Variants in CACNG2 observed in about 807,000 individuals in gnomAD.
The protein encoded by CACNG2 is calcium voltage-gated channel auxiliary subunit gamma 2, also known as voltage-dependent calcium channel gamma-2 subunit.
In CACNG2, 3 loss-of-function variants were observed where a neutral mutation model predicts 25.9. The observed-to-expected ratio is 0.12, with a 90% CI of 0.05 to 0.30. The LOEUF (loss-of-function observed/expected upper bound fraction) is 0.30. Among genes scored for constraint, CACNG2 ranks in the 10% least tolerant of loss-of-function variants. The pLI is 1.00. For missense variants in CACNG2, 341 were observed against 432.5 expected, an observed-to-expected ratio of 0.79 and a Z score of 1.88; for synonymous variants, 167 against 173.3, an observed-to-expected ratio of 0.96 and a Z score of 0.29.
intron 2 of CACNG2, among the ~76,000 whole-genome samples, chr22:36,580,691 T>C (rs1229201348): frequency 1.3e-5 from 2 of 151,968 alleles, no homozygotes; most frequent in East Asian, 3.9e-4. Flanking sequence ...GGACAATGAG[T>C]GGCCACAATA....
rs565304762 is a variant in CACNG2 at position 36,563,701 on chromosome 22, G to A, written c.*650C>T. Among the ~76,000 whole-genome samples the A allele has an allele frequency of 1.1e-3, 160 of 151,908 alleles. No individual in the cohort carries two copies. Among genetic ancestry groups the A allele is most frequent in the African/African-American group, 3.8e-3 (158 of 41,490 alleles). On this transcript the variant is annotated 3_prime_UTR_variant, in exon 4 of 4. Coordinates refer to ENST00000300105, the MANE Select transcript of CACNG2 (RefSeq NM_006078.5). The stretch of plus-strand genomic sequence containing the variant: ...CTCTGAGCCTTCCTGGAGTTCCTGG[G>A]GCACCCACCCAGGGGCTCCAGGGAC...
At chr22:36,635,807 C>T (rs1306369176) in intron 1 of CACNG2, among the ~76,000 whole-genome samples, 34 of 152,194 alleles carry the variant, frequency 2.2e-4, no homozygotes, top group Admixed American at 2.2e-3. Flanking sequence ...TTCCCAGCAT[C>T]TCTTGCTCAC....
chr22:36,577,916 G>A (rs906933222), intron 2 of CACNG2, among the ~76,000 whole-genome samples: 1 of 152,126 alleles, frequency 6.6e-6, no homozygotes, highest in Admixed American at 6.5e-5. Context: ...GAGAGCCCTG[G>A]GCAGTGGACA....
chr22:36,570,394 CAG>C (rs1188099754), intron 2 of CACNG2, among the ~76,000 whole-genome samples: 2 of 152,146 alleles, frequency 1.3e-5, no homozygotes, highest in East Asian at 1.9e-4. Flanking sequence ...GGAATACAAA[CAG>C]AAGCCTCTTC....
intron 2 of CACNG2, among the ~76,000 whole-genome samples, 153 bp from the exon 3 acceptor site, chr22:36,566,646 C>G (rs566750025): frequency 1.3e-3 from 200 of 152,280 alleles, no homozygotes; most frequent in African/African-American, 4.4e-3. Context: ...GAGGGAGAGA[C>G]AGCGAGCAGG....
intron 1 of CACNG2, among the ~76,000 whole-genome samples, chr22:36,614,140 G>A (rs563718684): frequency 9.5e-4 from 144 of 152,220 alleles, no homozygotes; most frequent in Non-Finnish European, 1.9e-3. Flanking sequence ...CTTTGACAAG[G>A]TCAACAGGGT....
intron 1 of CACNG2, among the ~76,000 whole-genome samples, chr22:36,682,203 T>C (rs781064085): frequency 6.6e-6 from 1 of 152,202 alleles, no homozygotes; most frequent in Non-Finnish European, 1.5e-5. Context: ...TGAAGGCCCT[T>C]GCAGGAGTGA....
At chr22:36,596,752 G>A (rs976707654) in intron 1 of CACNG2, among the ~76,000 whole-genome samples, 1 of 152,026 alleles carries the variant, frequency 6.6e-6, no homozygotes, top group African/African-American at 2.4e-5. Context: ...TGTCTCCATA[G>A]CTACCTCTTC....
chr22:36,571,887 A>C (rs140039), intron 2 of CACNG2, among the ~76,000 whole-genome samples: 10,031 of 151,308 alleles, frequency 0.066, 378 homozygotes, highest in Middle Eastern at 0.16. Context: ...AAAAACAAAA[A>C]AAAAAAAAAA....
chr22:36,565,007 G>A, intron 3 of CACNG2, 121 bp from the exon 4 acceptor site: 2 of 847,834 alleles, frequency 2.4e-6, no homozygotes, highest in Admixed American at 1.8e-5. Flanking sequence ...CCGGTCCCGC[G>A]CCTTCATGAA....
intron 1 of CACNG2, among the ~76,000 whole-genome samples, chr22:36,653,373 A>G (rs928561472): frequency 3.0e-5 from 4 of 131,872 alleles, no homozygotes; most frequent in African/African-American, 1.8e-4. Context: ...ACATTGAAAA[A>G]TTGGGAGATG....
intron 1 of CACNG2, among the ~76,000 whole-genome samples, chr22:36,658,500 T>C (rs747435435): frequency 3.3e-5 from 5 of 152,204 alleles, no homozygotes; most frequent in African/African-American, 4.8e-5. Context: ...ACTTCTCCCA[T>C]TTTCTAGATA....
Position 36,564,588 on chromosome 22 carries a change from C to G in CACNG2, c.735G>C (p.Glu245Asp), listed in dbSNP as rs1462216003. 2 of 1,613,890 alleles carry G rather than the reference C, an allele frequency of 1.2e-6. No homozygotes were observed. Among genetic ancestry groups the G allele is most frequent in the Admixed American group, 3.3e-5 (2 of 60,012 alleles). The change falls in exon 4 of 4, where the codon GAG becomes GAC. Residue 245 changes from glutamate to aspartate, a missense_variant. Transcript: ENST00000300105. The surrounding 1 kb of genome is among the most constrained non-coding windows in gnomAD (Gnocchi z 6.7). ...RRSRSSSRST[E>D]PSHSRDASPV... ...GGGAGGCGTCCCTGGAGTGTGAGGG[C>G]TCCGTGGAGCGCGAGCTGGAGCGGC... is the stretch of plus-strand genomic sequence containing the variant.
At position 36,608,307 on chromosome 22, in the gene CACNG2, C is replaced by A. The variant is rs554223399; in HGVS notation, c.212-20759G>T. Among the ~76,000 whole-genome samples, 9 of 152,306 alleles carry A rather than the reference C, an allele frequency of 5.9e-5. No individual in the cohort carries two copies. In the South Asian group the frequency reaches 1.7e-3, roughly 28 times the overall value. On this transcript the variant is annotated intron_variant, in intron 1 of 3. Coordinates refer to ENST00000300105, the MANE Select transcript of CACNG2 (RefSeq NM_006078.5). ...TCCCTCCTTTCATCACTGCCTTTACCTCTAAGATCACTCAGCTGGCAATTT... is the reference window on the plus strand; with the variant it reads ...TCCCTCCTTTCATCACTGCCTTTACATCTAAGATCACTCAGCTGGCAATTT...
At chr22:36,623,023 T>G (rs927547316) in intron 1 of CACNG2, among the ~76,000 whole-genome samples, 4 of 139,714 alleles carry the variant, frequency 2.9e-5, no homozygotes, top group Non-Finnish European at 4.7e-5. Context: ...TTTTTTTTTT[T>G]TTTTTTTTTT....
chr22:36,695,013 C>T (rs941536659), intron 1 of CACNG2, among the ~76,000 whole-genome samples: 12 of 152,044 alleles, frequency 7.9e-5, no homozygotes, highest in African/African-American at 4.8e-5. Context: ...GTCAGGAGTT[C>T]GAGACCAGCC....
At chr22:36,609,367 C>CGT (rs1935892327) in intron 1 of CACNG2, among the ~76,000 whole-genome samples, 1 of 131,572 alleles carries the variant, frequency 7.6e-6, no homozygotes. Context: ...ATCAGCCCCC[C>CGT]AGAGCGTGAT....
rs532359879 is a variant in CACNG2 at position 36,587,771 on chromosome 22, C to T, written c.212-223G>A. 1.1e-4 allele frequency among the ~76,000 whole-genome samples: 16 copies of T among 152,338 alleles called. No individual in the cohort carries two copies. In the South Asian group the frequency reaches 2.1e-3, roughly 20 times the overall value. On this transcript the variant is annotated intron_variant, in intron 1 of 3. Coordinates refer to ENST00000300105, the MANE Select transcript of CACNG2 (RefSeq NM_006078.5). The stretch of plus-strand genomic sequence containing the variant: ...GGATCTAAAGCCGACGACTTCAAAA[C>T]GCTGCCTTCTGTCCCTGCACTGAAG...
At chr22:36,622,678 G>T (rs974628079) in intron 1 of CACNG2, among the ~76,000 whole-genome samples, 7 of 152,148 alleles carry the variant, frequency 4.6e-5, no homozygotes, top group African/African-American at 1.7e-4. Context: ...TAAGACAAGG[G>T]CTGGGCGCGG....
Sources: allele counts gnomAD v4.1 joint callset (sites outside exome capture counted in the v4.1 genomes callset), GRCh38; gene constraint gnomAD v4.1.1; non-coding constraint Gnocchi (gnomAD v3.1); transcripts MANE v1.5; gene names NCBI Gene and HGNC (gene_info 2026-07-23, HGNC 2026-07-21).